The following DOCK3 variants were observed in gnomAD, a reference collection of about 807,000 sequenced individuals.
DOCK3 encodes dedicator of cytokinesis protein 3.
A neutral mutation model predicts 265.6 loss-of-function variants in DOCK3; 60 were observed. The observed-to-expected ratio is 0.23, with a 90% CI of 0.18 to 0.28. The LOEUF (loss-of-function observed/expected upper bound fraction) is 0.28, where lower values mean the gene tolerates loss of function less well. Among genes scored for constraint, DOCK3 ranks in the 10% least tolerant of loss-of-function variants. DOCK3 has a pLI of 1.00. For synonymous variants in DOCK3, 881 were observed against 938.0 expected, an observed-to-expected ratio of 0.94 and a Z score of 1.11; for missense variants, 1,981 against 2,594.3, an observed-to-expected ratio of 0.76 and a Z score of 5.14.
intron 1 of DOCK3, among the ~76,000 whole-genome samples, chr3:50,713,742 C>T (rs777890096): frequency 6.6e-5 from 10 of 151,830 alleles, no homozygotes; most frequent in Non-Finnish European, 1.2e-4. Flanking sequence ...CTCCCAGGGA[C>T]GTCAACTACA....
chr3:51,368,845 C>G (rs2087457743), intron 49 of DOCK3, among the ~76,000 whole-genome samples: 1 of 152,232 alleles, frequency 6.6e-6, no homozygotes, highest in African/African-American at 2.4e-5. Context: ...GGGTGCCCCT[C>G]TGAGACAAAG....
chr3:51,150,963 TG>T (rs2085558187), intron 10 of DOCK3, among the ~76,000 whole-genome samples: 1 of 152,324 alleles, frequency 6.6e-6, no homozygotes, highest in South Asian at 2.1e-4. Flanking sequence ...TATTATTGTG[TG>T]GGAGTCTAAG....
chr3:50,957,728 A>G (rs1022621835), intron 5 of DOCK3, among the ~76,000 whole-genome samples: 1 of 152,248 alleles, frequency 6.6e-6, no homozygotes, highest in South Asian at 2.1e-4. Context: ...AGAACACATT[A>G]GACAAGTTTT....
At chr3:50,987,949 A>G (rs1183890429) in intron 5 of DOCK3, among the ~76,000 whole-genome samples, 1 of 152,156 alleles carries the variant, frequency 6.6e-6, no homozygotes, top group Non-Finnish European at 1.5e-5. Flanking sequence ...AGTCTTAGAT[A>G]TTTGGGCTTT....
chr3:50,917,396 T>TA, intron 4 of DOCK3, among the ~76,000 whole-genome samples: 1 of 152,232 alleles, frequency 6.6e-6, no homozygotes, highest in South Asian at 2.1e-4. Flanking sequence ...TTTTTTTATT[T>TA]ATCCAGGTGT....
At chr3:51,028,086 TGTTTAGA>T (rs1180615996) in intron 5 of DOCK3, among the ~76,000 whole-genome samples, 2 of 152,178 alleles carry the variant, frequency 1.3e-5, no homozygotes, top group African/African-American at 2.4e-5. Context: ...TTTATTTTCA[TGTTTAGA>T]GCTCTCGAGC....
intron 9 of DOCK3, among the ~76,000 whole-genome samples, chr3:51,128,285 T>A (rs955163820): frequency 6.6e-6 from 1 of 152,162 alleles, no homozygotes; most frequent in African/African-American, 2.4e-5. Flanking sequence ...TGAGAGAAAC[T>A]GTACCATACA....
In DOCK3 at chr3:51,358,720, G is replaced by A. The variant is rs570652091; in HGVS notation, c.4884+643G>A. On this transcript the variant is annotated intron_variant, in intron 46 of 52. Coordinates refer to ENST00000266037, the MANE Select transcript of DOCK3 (RefSeq NM_004947.5). ...CAAGCAGGTCCTGGGGCTGGACCAGGCTCCTGAAAGTCTCCCTAACTCTGG... is the reference window on the plus strand; with the variant it reads ...CAAGCAGGTCCTGGGGCTGGACCAGACTCCTGAAAGTCTCCCTAACTCTGG... 2.0e-5 allele frequency among the ~76,000 whole-genome samples: 3 copies of A among 152,302 alleles called. No individual in the cohort carries two copies. In the South Asian group the frequency reaches 6.2e-4, roughly 32 times the overall value.
At chr3:50,902,963 G>T (rs2049281054) in intron 4 of DOCK3, among the ~76,000 whole-genome samples, 1 of 152,004 alleles carries the variant, frequency 6.6e-6, no homozygotes, top group Non-Finnish European at 1.5e-5. Context: ...TCATGATTTG[G>T]CCCTTTGCTT....
chr3:50,730,430 G>A (rs1326621824), intron 1 of DOCK3, among the ~76,000 whole-genome samples: 4 of 152,118 alleles, frequency 2.6e-5, no homozygotes, highest in Non-Finnish European at 4.4e-5. Flanking sequence ...GGCGTGAGCC[G>A]CTGTGCCCGG....
chr3:51,147,004 T>C (rs999363533), intron 10 of DOCK3, among the ~76,000 whole-genome samples: 2 of 152,004 alleles, frequency 1.3e-5, no homozygotes, highest in African/African-American at 4.8e-5. Context: ...TCACAGCTAC[T>C]TGGGGATGTG....
At chr3:51,127,352 A>T (rs1283525231) in intron 9 of DOCK3, among the ~76,000 whole-genome samples, 1 of 152,172 alleles carries the variant, frequency 6.6e-6, no homozygotes, top group Non-Finnish European at 1.5e-5. Context: ...AACCATCACA[A>T]GTCCACCCCT....
chr3:51,342,666 A>G (rs1219735842), intron 38 of DOCK3, among the ~76,000 whole-genome samples: 1 of 152,202 alleles, frequency 6.6e-6, no homozygotes, highest in Non-Finnish European at 1.5e-5. Flanking sequence ...GACTGAGTCT[A>G]CCCGTGGGAT....
intron 31 of DOCK3, among the ~76,000 whole-genome samples, chr3:51,313,213 T>C (rs2083190407): frequency 6.6e-6 from 1 of 152,222 alleles, no homozygotes; most frequent in African/African-American, 2.4e-5. Context: ...CCCATTCCTA[T>C]AAGATCCTCC....
intron 2 of DOCK3, chr3:50,788,188 G>A: frequency 1.3e-6 from 1 of 745,964 alleles, no homozygotes; most frequent in Non-Finnish European, 2.1e-6. Context: ...AAAGCTGGAT[G>A]GCACTTGCCC....
intron 9 of DOCK3, among the ~76,000 whole-genome samples, chr3:51,097,621 G>A (rs2082909862): frequency 6.6e-6 from 1 of 152,196 alleles, no homozygotes. Context: ...GAACGGTTCT[G>A]TCTCACCTCA....
At chr3:51,194,602 A>C (rs993154341) in intron 12 of DOCK3, among the ~76,000 whole-genome samples, 1 of 152,080 alleles carries the variant, frequency 6.6e-6, no homozygotes, top group Non-Finnish European at 1.5e-5. Context: ...GGTTACATAT[A>C]TATTTAGAAT....
chr3:51,277,988 C>G (rs1420743047), intron 26 of DOCK3: 1 of 985,226 alleles, frequency 1.0e-6, no homozygotes, highest in Non-Finnish European at 1.2e-6. Flanking sequence ...TGTTTCTTGT[C>G]CTGTTTTCCT....
chr3:51,070,218 A>C (rs1476098437), intron 6 of DOCK3, among the ~76,000 whole-genome samples: 1 of 152,234 alleles, frequency 6.6e-6, no homozygotes, highest in Non-Finnish European at 1.5e-5. Flanking sequence ...GACACTCATT[A>C]ATCAATTGAT....
Sources: allele counts gnomAD v4.1 joint callset (sites outside exome capture counted in the v4.1 genomes callset), GRCh38; gene constraint gnomAD v4.1.1; transcripts MANE v1.5; gene names NCBI Gene and HGNC (gene_info 2026-07-23, HGNC 2026-07-21).